The following RBFOX1 variants were observed in gnomAD, a reference collection of about 807,000 sequenced individuals.
RBFOX1 encodes the protein RNA binding fox-1 homolog 1.
Under a neutral mutation model 57.7 loss-of-function variants are expected in RBFOX1, and 8 were observed. That is an observed-to-expected ratio of 0.14 (90% confidence interval 0.08 to 0.25). The LOEUF is 0.25. Among genes scored for constraint, RBFOX1 ranks in the 10% least tolerant of loss-of-function variants. The pLI is 1.00. For missense variants in RBFOX1, 611 were observed against 548.5 expected (o/e 1.11, Z -1.14); for synonymous variants, 326 against 222.4 (o/e 1.47, Z -4.15).
intron 4 of RBFOX1, among the ~76,000 whole-genome samples, chr16:5,981,863 G>T (rs1490378995): frequency 6.6e-6 from 1 of 152,228 alleles, no homozygotes; most frequent in Admixed American, 6.5e-5. Flanking sequence ...GAATAGGGGA[G>T]CTGCTACTTG....
At chr16:6,505,108 C>G (rs1397316398) in intron 2 of RBFOX1, among the ~76,000 whole-genome samples, 1 of 152,038 alleles carries the variant, frequency 6.6e-6, no homozygotes, top group Non-Finnish European at 1.5e-5. Flanking sequence ...AAAATAAAGT[C>G]TACTCAAATT....
intron 4 of RBFOX1, among the ~76,000 whole-genome samples, chr16:7,372,968 G>C (rs551479243): frequency 1.3e-5 from 2 of 148,788 alleles, no homozygotes; most frequent in African/African-American, 2.5e-5. Flanking sequence ...GTCTTGCTCT[G>C]TTGCCCAGGC....
chr16:6,634,067 A>G (rs1023473632), intron 2 of RBFOX1, among the ~76,000 whole-genome samples: 2 of 147,656 alleles, frequency 1.4e-5, no homozygotes, highest in East Asian at 4.0e-4. Flanking sequence ...GAATAAACCT[A>G]CACACACACA....
At chr16:6,802,456 C>T (rs1351744889) in intron 3 of RBFOX1, among the ~76,000 whole-genome samples, 1 of 152,112 alleles carries the variant, frequency 6.6e-6, no homozygotes, top group Non-Finnish European at 1.5e-5. Flanking sequence ...GTGGGCACAT[C>T]ACCTGAGGTC....
At chr16:6,737,803 A>G (rs748980359) in intron 3 of RBFOX1, among the ~76,000 whole-genome samples, 1 of 152,204 alleles carries the variant, frequency 6.6e-6, no homozygotes, top group Non-Finnish European at 1.5e-5. Context: ...AAGATTGTTT[A>G]TATTTCATTT....
chr16:5,607,745 T>C (rs1028237615), intron 3 of RBFOX1, among the ~76,000 whole-genome samples: 1 of 152,188 alleles, frequency 6.6e-6, no homozygotes. Flanking sequence ...GCCTTTCCAA[T>C]TCCACTGGGC....
At chr16:6,717,506 C>G (rs2065061994) in intron 3 of RBFOX1, among the ~76,000 whole-genome samples, 1 of 151,952 alleles carries the variant, frequency 6.6e-6, no homozygotes, top group Non-Finnish European at 1.5e-5. Flanking sequence ...GGTTTAGAAG[C>G]AGAGATTTAA....
chr16:5,888,906 G>C (rs562250211), intron 4 of RBFOX1, among the ~76,000 whole-genome samples: 54 of 151,578 alleles, frequency 3.6e-4, no homozygotes, highest in Non-Finnish European at 6.6e-4. Flanking sequence ...ATGGTGACTA[G>C]TTCAGCTTCA....
intron 2 of RBFOX1, among the ~76,000 whole-genome samples, chr16:6,553,761 A>C (rs1479274413): frequency 6.6e-6 from 1 of 152,206 alleles, no homozygotes; most frequent in African/African-American, 2.4e-5. Context: ...GAGAGGTGGC[A>C]GGTGAACCAG....
At chr16:5,878,671 C>A (rs1006870389) in intron 4 of RBFOX1, among the ~76,000 whole-genome samples, 1 of 151,862 alleles carries the variant, frequency 6.6e-6, no homozygotes, top group Non-Finnish European at 1.5e-5. Context: ...ATCCCACTTA[C>A]CTCACCGGAA....
chr16:6,549,267 A>G (rs553913079), intron 2 of RBFOX1, among the ~76,000 whole-genome samples: 1 of 7,112 alleles, frequency 1.4e-4, no homozygotes, highest in Non-Finnish European at 2.9e-4. Context: ...GGAGGAGGAG[A>G]GGAGGGAGGA....
intron 1 of RBFOX1, among the ~76,000 whole-genome samples, chr16:6,306,448 C>T (rs1180288998): frequency 6.6e-6 from 1 of 152,188 alleles, no homozygotes; most frequent in African/African-American, 2.4e-5. Flanking sequence ...CAGAGATTAG[C>T]ACTTCTTTTA....
At chr16:5,692,956 C>T (rs531864648) in intron 3 of RBFOX1, among the ~76,000 whole-genome samples, 2 of 152,196 alleles carry the variant, frequency 1.3e-5, no homozygotes, top group Non-Finnish European at 2.9e-5. Flanking sequence ...AGCATTTAGA[C>T]GGCTTTGCAA....
chr16:6,350,896 A>G (rs2152844669), intron 2 of RBFOX1, among the ~76,000 whole-genome samples: 1 of 152,326 alleles, frequency 6.6e-6, no homozygotes, highest in African/African-American at 2.4e-5. Context: ...GGTTTCTATG[A>G]GGGCACTCTT....
chr16:6,854,692 T>A (rs568222650), intron 3 of RBFOX1, among the ~76,000 whole-genome samples: 7 of 146,294 alleles, frequency 4.8e-5, no homozygotes, highest in African/African-American at 1.5e-4. Flanking sequence ...CCTCCTGGGT[T>A]CAAGTCGTTC....
At chr16:5,717,116 G>T (rs1191501987) in intron 3 of RBFOX1, among the ~76,000 whole-genome samples, 4 of 152,120 alleles carry the variant, frequency 2.6e-5, no homozygotes, top group African/African-American at 7.2e-5. Flanking sequence ...AGGTCAGAGG[G>T]TCTGGTAGAA....
intron 3 of RBFOX1, among the ~76,000 whole-genome samples, chr16:7,019,487 A>C (rs1568395042): frequency 6.6e-6 from 1 of 152,114 alleles, no homozygotes; most frequent in African/African-American, 2.4e-5. Context: ...TAAGTTGTCA[A>C]AAGCTCTCTT....
At chr16:7,011,287 A>C (rs1007272861) in intron 3 of RBFOX1, among the ~76,000 whole-genome samples, 1 of 152,206 alleles carries the variant, frequency 6.6e-6, no homozygotes, top group African/African-American at 2.4e-5. Flanking sequence ...TCTGAGGTCA[A>C]GATGCTATCA....
intron 4 of RBFOX1, among the ~76,000 whole-genome samples, chr16:7,266,703 T>C (rs180799103): frequency 1.2e-4 from 19 of 152,310 alleles, no homozygotes; most frequent in Admixed American, 1.0e-3. Flanking sequence ...GCTTACATTC[T>C]TTATATTTGA....
Sources: gnomAD v4.1 joint callset for allele counts (sites outside exome capture counted in the v4.1 genomes callset) on GRCh38, gnomAD v4.1.1 for gene constraint, MANE v1.5 for transcripts, NCBI Gene and HGNC (gene_info 2026-07-23, HGNC 2026-07-21) for gene names.